DLG5: variants seen among roughly 807,000 people sequenced by gnomAD.
The protein encoded by DLG5 is discs large MAGUK scaffold protein 5.
A neutral mutation model predicts 189.8 loss-of-function variants in DLG5; 48 were observed. The observed-to-expected ratio is 0.25, with a 90% CI of 0.20 to 0.32. The LOEUF (loss-of-function observed/expected upper bound fraction) is 0.32. DLG5 is among the 10% of genes least tolerant of loss of function. The pLI, the probability that DLG5 is intolerant of heterozygous loss-of-function variation, is 1.00. For synonymous variants in DLG5, 1,016 were observed against 1,054.1 expected (o/e 0.96, Z 0.70); for missense variants, 2,160 against 2,544.7 (o/e 0.85, Z 3.25).
chr10:77,911,340 C>T (rs1419185382), intron 1 of DLG5, among the ~76,000 whole-genome samples: 3 of 152,118 alleles, frequency 2.0e-5, no homozygotes, highest in Non-Finnish European at 2.9e-5. Context: ...AGGCTGGTCT[C>T]GAACTCCTGG....
intron 1 of DLG5, among the ~76,000 whole-genome samples, chr10:77,872,305 G>A (rs1195448097): frequency 6.6e-6 from 1 of 152,228 alleles, no homozygotes; most frequent in East Asian, 1.9e-4. Flanking sequence ...AGTTTCCACT[G>A]TTAATTAAGC....
intron 1 of DLG5, among the ~76,000 whole-genome samples, chr10:77,881,896 G>A (rs1321544472): frequency 1.1e-4 from 17 of 152,290 alleles, no homozygotes; most frequent in East Asian, 1.9e-4. Flanking sequence ...TTCACAGGTC[G>A]GGGACATTCT....
chr10:77,873,762 C>T (rs1392422732), intron 1 of DLG5, among the ~76,000 whole-genome samples: 1 of 152,172 alleles, frequency 6.6e-6, no homozygotes, highest in African/African-American at 2.4e-5. Flanking sequence ...ACACAGAGTT[C>T]TCCCTGTCCT....
Position 77,809,630 on chromosome 10 carries a change from G to A in DLG5, c.4564C>T (p.His1522Tyr). 6.2e-7 allele frequency: 1 copy of A among 1,614,208 alleles called. No individual in the cohort carries two copies. Among genetic ancestry groups the A allele is most frequent in the South Asian group, 1.1e-5 (1 of 91,082 alleles). Residue 1522 changes from histidine (H) to tyrosine (Y), a missense_variant, in exon 24 of 32, where the codon CAT (histidine) becomes TAT (tyrosine). Transcript: ENST00000372391. The stretch of plus-strand genomic sequence containing the variant: ...TCCACCTCGGCCACAAACACCCCAT[G>A]CAGGTTCCCACCACACAAGTGCACC... ...LGVHLCGGNL[H>Y]GVFVAEVEDD... is the part of the protein sequence containing the mutation.
chr10:77,833,865 C>T, intron 9 of DLG5, 49 bp downstream of exon 9: 1 of 1,593,948 alleles, frequency 6.3e-7, no homozygotes, highest in Non-Finnish European at 8.5e-7. Context: ...AGAGGGGCCC[C>T]AGGCTCCCAG....
chr10:77,840,207 A>T (rs1384672225), intron 7 of DLG5, among the ~76,000 whole-genome samples: 1 of 150,596 alleles, frequency 6.6e-6, no homozygotes, highest in Non-Finnish European at 1.5e-5. Context: ...GTGAGACCGC[A>T]TCACTACAAA....
intron 1 of DLG5, among the ~76,000 whole-genome samples, chr10:77,902,847 G>A (rs187178782): frequency 0.053 from 7,961 of 151,428 alleles, 699 homozygotes; most frequent in African/African-American, 0.18. Context: ...GCGACAGAGC[G>A]AGACTCCATC....
chr10:77,843,335 A>C, intron 6 of DLG5, 112 bp downstream of exon 6: 1 of 1,366,232 alleles, frequency 7.3e-7, no homozygotes, highest in Non-Finnish European at 9.9e-7. Flanking sequence ...CCTGGTCAGA[A>C]GCATTTTTTG....
chr10:77,803,678 T>C (rs150287567), intron 27 of DLG5, among the ~76,000 whole-genome samples: 108 of 152,086 alleles, frequency 7.1e-4, no homozygotes, highest in African/African-American at 2.3e-3. Context: ...AAGATATATA[T>C]TGAAAAACAC....
In DLG5 at chr10:77,856,504, C is replaced by A. The variant is rs967166632; in HGVS notation, c.536+226G>T. On this transcript the variant is annotated intron_variant, in intron 3 of 31. Transcript: ENST00000372391. ...CGAGCTGACTTTGCACACAAGCACACCACTATCAGGGGCCTTGCCACATGT... is the reference window on the plus strand; with the variant it reads ...CGAGCTGACTTTGCACACAAGCACAACACTATCAGGGGCCTTGCCACATGT... Among the ~76,000 whole-genome samples the A allele has an allele frequency of 2.6e-5, 4 of 152,214 alleles. No homozygotes were observed. In the East Asian group the frequency reaches 7.7e-4, roughly 29 times the overall value.
At chr10:77,905,141 A>C (rs945055343) in intron 1 of DLG5, among the ~76,000 whole-genome samples, 4 of 151,050 alleles carry the variant, frequency 2.6e-5, no homozygotes, top group Non-Finnish European at 3.0e-5. Context: ...AAAAAAAAAA[A>C]AAAACTCTCC....
At chr10:77,868,768 C>G in intron 2 of DLG5, 1 of 291,968 alleles carries the variant, frequency 3.4e-6, no homozygotes, top group South Asian at 4.0e-5. Context: ...ACTGGCAATG[C>G]CTATCCCCAA....
chr10:77,876,341 C>A (rs1446004716), intron 1 of DLG5, among the ~76,000 whole-genome samples: 1 of 150,518 alleles, frequency 6.6e-6, no homozygotes, highest in Non-Finnish European at 1.5e-5. Flanking sequence ...AGTTCAAGAC[C>A]AGCCTGGGCA....
At position 77,816,728 on chromosome 10, in the gene DLG5, T is replaced by C. The variant is rs550320272; in HGVS notation, c.3875-27A>G. The C allele has an allele frequency of 2.5e-5, 40 of 1,579,296 alleles. No homozygotes were observed. The East Asian group carries it at 8.1e-4, about 32-fold the overall frequency. On this transcript the variant is annotated intron_variant, in intron 19 of 31. Coordinates refer to ENST00000372391, the MANE Select transcript of DLG5 (RefSeq NM_004747.4). ...TGCAGAGAGGAGCGGGTAATGCCGGTGTGAACTCCCATCTCACTTCCCCAA... is the reference window on the plus strand; with the variant it reads ...TGCAGAGAGGAGCGGGTAATGCCGGCGTGAACTCCCATCTCACTTCCCCAA...
chr10:77,874,144 G>C (rs528303433), intron 1 of DLG5, among the ~76,000 whole-genome samples: 5 of 152,370 alleles, frequency 3.3e-5, no homozygotes, highest in African/African-American at 1.2e-4. Context: ...GGCAAGCCAG[G>C]GGCTCAAGAG....
At chr10:77,884,278 C>G (rs927424847) in intron 1 of DLG5, among the ~76,000 whole-genome samples, 1 of 152,168 alleles carries the variant, frequency 6.6e-6, no homozygotes, top group Non-Finnish European at 1.5e-5. Flanking sequence ...GTCAATTAAG[C>G]AGGCAATTGA....
rs1373963150 is a variant in DLG5 at position 77,812,207 on chromosome 10, C to T, written c.4188+8G>A. On this transcript the variant is annotated splice_region_variant and intron_variant, in intron 21 of 31. Coordinates refer to ENST00000372391, the MANE Select transcript of DLG5 (RefSeq NM_004747.4). ...TGGGCGCCATGCAGGAGGGCAGCTC[C>T]CTCTCACCTCCAGTAACTGATCCCC... The T allele has an allele frequency of 6.2e-7, 1 of 1,610,074 alleles. No individual in the cohort carries two copies. Among genetic ancestry groups the T allele is most frequent in the Admixed American group, 1.7e-5 (1 of 59,966 alleles).
intron 11 of DLG5, among the ~76,000 whole-genome samples, chr10:77,829,776 T>C (rs550053650): frequency 1.3e-4 from 20 of 152,364 alleles, no homozygotes; most frequent in African/African-American, 4.6e-4. Context: ...CCTCAGCGTC[T>C]TCATATGTAA....
At chr10:77,924,772 C>G (rs1411478356) in intron 1 of DLG5, among the ~76,000 whole-genome samples, 1 of 152,138 alleles carries the variant, frequency 6.6e-6, no homozygotes, top group African/African-American at 2.4e-5. Context: ...AGATGCAAGT[C>G]AGAAGCTCAA....
Sources: gnomAD v4.1 joint callset for allele counts (sites outside exome capture counted in the v4.1 genomes callset) on GRCh38, gnomAD v4.1.1 for gene constraint, MANE v1.5 for transcripts, NCBI Gene and HGNC (gene_info 2026-07-23, HGNC 2026-07-21) for gene names.